RPGRIP1: variants seen among roughly 807,000 people sequenced by gnomAD.
RPGRIP1 encodes the protein X-linked retinitis pigmentosa GTPase regulator-interacting protein 1.
In RPGRIP1, 128 loss-of-function variants were observed where a neutral mutation model predicts 157.9. The ratio of observed to expected loss-of-function variants is 0.81; its 90% confidence interval spans 0.70 to 0.94. The LOEUF is 0.94. RPGRIP1 is among the 40% of genes least tolerant of loss of function. RPGRIP1 has a pLI of 0.00. For missense variants in RPGRIP1, 1,486 were observed against 1,545.8 expected (o/e 0.96, Z 0.65); for synonymous variants, 554 against 571.6 (o/e 0.97, Z 0.44).
chr14:21,348,663 C>CTTTTTT (rs10561385), intron 24 of RPGRIP1, among the ~76,000 whole-genome samples: 1 of 82,364 alleles, frequency 1.2e-5, no homozygotes, highest in South Asian at 4.4e-4. Context: ...TGCATCCAGT[C>CTTTTTT]TTTTTTTTTT....
chr14:21,296,432 T>G (rs1287873545), intron 3 of RPGRIP1, among the ~76,000 whole-genome samples: 1 of 151,626 alleles, frequency 6.6e-6, no homozygotes, highest in African/African-American at 2.4e-5. Context: ...CACGGTAGTC[T>G]CAAACTCCTG....
intron 6 of RPGRIP1, among the ~76,000 whole-genome samples, chr14:21,306,601 G>A (rs888487051): frequency 1.3e-5 from 2 of 151,334 alleles, no homozygotes; most frequent in African/African-American, 4.9e-5. Flanking sequence ...TGGGACTACA[G>A]GTGTGCGCCA....
chr14:21,337,447 T>C (rs1197704486), intron 21 of RPGRIP1, among the ~76,000 whole-genome samples: 5 of 150,700 alleles, frequency 3.3e-5, no homozygotes, highest in African/African-American at 9.8e-5. Context: ...GCTTTTTTTT[T>C]TTTTTTTTGA....
At chr14:21,350,373 C>T (rs1275877824) in intron 24 of RPGRIP1, among the ~76,000 whole-genome samples, 1 of 47,260 alleles carries the variant, frequency 2.1e-5, no homozygotes, top group Non-Finnish European at 3.8e-5. Flanking sequence ...AAGACTCTGT[C>T]TCCAAAAAAA....
intron 2 of RPGRIP1, among the ~76,000 whole-genome samples, chr14:21,294,232 TG>T (rs1391457372): frequency 9.1e-4 from 106 of 116,376 alleles, no homozygotes; most frequent in African/African-American, 2.9e-3. Context: ...TTTCTGTTTT[TG>T]TTTTTTTTTT....
At chr14:21,330,203 A>T (rs1883587059) in intron 19 of RPGRIP1, 46 bp from the exon 20 acceptor site, 5 of 1,399,440 alleles carry the variant, frequency 3.6e-6, no homozygotes, top group Non-Finnish European at 2.8e-6. Flanking sequence ...AAGAAAGAAA[A>T]CCAAGATATT....
In RPGRIP1 at chr14:21,322,001, T is replaced by C. The variant is rs538772092; in HGVS notation, c.1759T>C (p.Ser587Pro). The C allele has an allele frequency of 6.2e-7, 1 of 1,611,910 alleles. No individual in the cohort carries two copies. Among genetic ancestry groups the C allele is most frequent in the East Asian group, 2.2e-5 (1 of 44,882 alleles). The change falls in exon 14 of 25, where the codon TCT becomes CCT. Residue 587 changes from serine to proline, a missense_variant. Transcript: ENST00000400017. ...TTTAAGAAGCCATGACCTTCCAACATCTGGCAAGTCTTAGTCCTTTGTTCT... is the reference window on the plus strand; with the variant it reads ...TTTAAGAAGCCATGACCTTCCAACACCTGGCAAGTCTTAGTCCTTTGTTCT... Reference protein sequence around the residue: ...GILRSHDLPTSEQLKDVAYGT... With the variant: ...GILRSHDLPTPEQLKDVAYGT...
At chr14:21,320,882 C>T (rs1225360362) in intron 12 of RPGRIP1, among the ~76,000 whole-genome samples, 3 of 152,130 alleles carry the variant, frequency 2.0e-5, no homozygotes, top group Admixed American at 6.6e-5. Context: ...ATTACAGGCA[C>T]GTGCCACTGT....
Position 21,317,806 on chromosome 14 carries a change from TG to T in RPGRIP1, c.1264del (p.Glu422ArgfsTer20). The part of the protein sequence containing the change: ...SQLQDQLDAE[L>X]EDKRKVLLEL... ...CTGCAGGATCAGCTGGATGCTGAGC[TG>T]GAGGACAAGAGAAAAGTTTTACTTG... On this transcript the variant is annotated frameshift_variant, in exon 11 of 25. Coordinates refer to ENST00000400017, the MANE Select transcript of RPGRIP1 (RefSeq NM_020366.4). LOFTEE classifies it high-confidence loss of function. 1 of 1,606,168 alleles carries T rather than the reference TG, an allele frequency of 6.2e-7. No individual in the cohort carries two copies. The highest frequency in any genetic ancestry group is 8.5e-7 in the Non-Finnish European group (1 of 1,176,398).
chr14:21,325,558 G>T (rs1882990675), intron 16 of RPGRIP1, among the ~76,000 whole-genome samples, 175 bp downstream of exon 16: 1 of 152,242 alleles, frequency 6.6e-6, no homozygotes, highest in South Asian at 2.1e-4. Flanking sequence ...TGAAATGAAA[G>T]TATGCCTTTG....
chr14:21,306,754 G>T (rs989117868), intron 6 of RPGRIP1, among the ~76,000 whole-genome samples: 1 of 150,254 alleles, frequency 6.7e-6, no homozygotes, highest in Non-Finnish European at 1.5e-5. Flanking sequence ...ACCGTGCCGG[G>T]TGTATTTTAC....
In RPGRIP1 at chr14:21,326,214, A is replaced by T. The variant is rs1566345354; in HGVS notation, c.2710+41A>T. 2.3e-6 allele frequency: 3 copies of T among 1,326,386 alleles called. No individual in the cohort carries two copies. The African/African-American group carries it at 4.4e-5, about 19-fold the overall frequency. 82.2% of individuals were successfully genotyped at this position (1,326,386 alleles called of 1,614,324 possible). A position where few individuals can be genotyped will look rare whatever the true frequency, so the allele number is the denominator to read the frequency against. On this transcript the variant is annotated intron_variant, in intron 17 of 24. Coordinates refer to ENST00000400017, the MANE Select transcript of RPGRIP1 (RefSeq NM_020366.4). Reference sequence around the variant, plus strand: ...TATTACATCTTCACGCCCTCTTCCCAGTGTTGTCTCCCTGTCCTGATTCTA... The same window carrying T: ...TATTACATCTTCACGCCCTCTTCCCTGTGTTGTCTCCCTGTCCTGATTCTA...
In RPGRIP1 at chr14:21,325,359, A is replaced by T; in HGVS notation, c.2343A>T (p.Gly781=). 1 of 1,588,118 alleles carries T rather than the reference A, an allele frequency of 6.3e-7. No individual in the cohort carries two copies. The highest frequency in any genetic ancestry group is 1.1e-5 in the South Asian group (1 of 87,774). ...AQVYLSTDVL[G]GRKAQEEEFR... Reference sequence around the variant, plus strand: ...TCTACCTGTCAACCGATGTGCTTGGAGGCCGGAAGGCCCAGGAAGAGGAGG... The same window carrying T: ...TCTACCTGTCAACCGATGTGCTTGGTGGCCGGAAGGCCCAGGAAGAGGAGG... Residue 781 remains glycine (G), a synonymous_variant, in exon 16 of 25, where the codon GGA becomes GGT. Transcript: ENST00000400017.
Position 21,311,988 on chromosome 14 carries a change from A to T in RPGRIP1, c.1077+18A>T. 6.2e-7 allele frequency: 1 copy of T among 1,602,914 alleles called. No homozygotes were observed. Among genetic ancestry groups the T allele is most frequent in the Middle Eastern group, 1.7e-4 (1 of 5,954 alleles). On this transcript the variant is annotated intron_variant, in intron 9 of 24. Transcript: ENST00000400017. ...TGAAGGAGGTAAATAATAATAGTTGAAAGATACCATCTACATTTCAACTTC... is the reference window on the plus strand; with the variant it reads ...TGAAGGAGGTAAATAATAATAGTTGTAAGATACCATCTACATTTCAACTTC...
intron 20 of RPGRIP1, among the ~76,000 whole-genome samples, chr14:21,331,017 C>T (rs1259229226): frequency 6.6e-6 from 1 of 151,874 alleles, no homozygotes; most frequent in East Asian, 2.0e-4. Flanking sequence ...TCAAGCAATT[C>T]TCCTGCCTCA....
intron 24 of RPGRIP1, 73 bp downstream of exon 24, chr14:21,348,375 A>C: frequency 9.0e-7 from 1 of 1,116,154 alleles, no homozygotes; most frequent in Non-Finnish European, 1.3e-6. Context: ...TTTATCTTCA[A>C]TACATAATTA....
intron 3 of RPGRIP1, among the ~76,000 whole-genome samples, chr14:21,295,478 ATTT>A (rs11342361): frequency 2.1e-4 from 24 of 116,554 alleles, no homozygotes; most frequent in African/African-American, 6.8e-4. Flanking sequence ...TATTTTTGAG[ATTT>A]TTTTTTTTTT....
Position 21,348,242 on chromosome 14 carries a change from T to C in RPGRIP1, c.3688T>C (p.Tyr1230His). The C allele has an allele frequency of 6.3e-7, 1 of 1,590,368 alleles. No homozygotes were observed. Among genetic ancestry groups the C allele is most frequent in the Non-Finnish European group, 8.6e-7 (1 of 1,166,342 alleles). ...AGAATGTGAAGAAGTGGGATATGCA[T>C]ATCTTCAACTGTGGCAGATCCTGGA... ...KKECEEVGYA[Y>H]LQLWQILESG... The change falls in exon 24 of 25, where the codon TAT becomes CAT. Residue 1230 changes from tyrosine to histidine, a missense_variant. Coordinates refer to ENST00000400017, the MANE Select transcript of RPGRIP1 (RefSeq NM_020366.4).
At chr14:21,286,188 A>G (rs1366963791) in intron 1 of RPGRIP1, among the ~76,000 whole-genome samples, 2 of 151,932 alleles carry the variant, frequency 1.3e-5, no homozygotes, top group Non-Finnish European at 2.9e-5. Flanking sequence ...ACAGGGTTTC[A>G]CCATGTTGGC....
Sources: gnomAD v4.1 joint callset for allele counts (sites outside exome capture counted in the v4.1 genomes callset) on GRCh38, gnomAD v4.1.1 for gene constraint, MANE v1.5 for transcripts, NCBI Gene and HGNC (gene_info 2026-07-23, HGNC 2026-07-21) for gene names.